The following SRSF4 variants were observed in gnomAD, a reference collection of about 807,000 sequenced individuals.
SRSF4 encodes the protein serine and arginine rich splicing factor 4, also known as serine/arginine-rich splicing factor 4.
Under a neutral mutation model 48.8 loss-of-function variants are expected in SRSF4, and 12 were observed. The observed-to-expected ratio is 0.25, with a 90% CI of 0.16 to 0.40. The LOEUF is 0.40. SRSF4 is among the 10% of genes least tolerant of loss of function. SRSF4 has a pLI of 1.00. For synonymous variants in SRSF4, 248 were observed against 232.5 expected (o/e 1.07, Z -0.61); for missense variants, 466 against 667.1 (o/e 0.70, Z 3.32).
intron 1 of SRSF4, among the ~76,000 whole-genome samples, chr1:29,173,835 A>G (rs1672790031): frequency 6.6e-6 from 1 of 152,204 alleles, no homozygotes; most frequent in East Asian, 1.9e-4. Flanking sequence ...ATATAATTCT[A>G]AACATTTTAA....
chr1:29,163,762 A>T (rs1286129913), intron 1 of SRSF4, among the ~76,000 whole-genome samples: 1 of 152,188 alleles, frequency 6.6e-6, no homozygotes, highest in Non-Finnish European at 1.5e-5. Context: ...TAACTTGCAT[A>T]AAAAAACCCC....
chr1:29,163,202 A>G (rs1221342162), intron 1 of SRSF4, among the ~76,000 whole-genome samples: 1 of 152,188 alleles, frequency 6.6e-6, no homozygotes, highest in African/African-American at 2.4e-5. Context: ...CCCAGTATTT[A>G]CTTCTAAAAA....
chr1:29,178,353 C>CTTCTT (rs141096220), intron 1 of SRSF4, among the ~76,000 whole-genome samples: 12 of 127,886 alleles, frequency 9.4e-5, no homozygotes, highest in African/African-American at 3.0e-4. Flanking sequence ...GTTTCAATTA[C>CTTCTT]TTTTTTTTTT....
chr1:29,149,958 G>C, intron 5 of SRSF4, 145 bp downstream of exon 5: 1 of 639,314 alleles, frequency 1.6e-6, no homozygotes, highest in Non-Finnish European at 2.7e-6. Flanking sequence ...AGCCCAGTGA[G>C]GTGAGGCTGC....
At position 29,149,231 on chromosome 1, in the gene SRSF4, G is replaced by A. The variant is rs775084521; in HGVS notation, c.669-5C>T. On this transcript the variant is annotated splice_polypyrimidine_tract_variant and splice_region_variant and intron_variant, in intron 5 of 5. Transcript: ENST00000373795. ...CTCCGGGAGCGGGAGCCCGACCTGA[G>A]GAGACATGGGATACTGTTTGTGTCA... 9.4e-6 allele frequency: 15 copies of A among 1,604,254 alleles called. No individual in the cohort carries two copies. The Admixed American group carries it at 2.2e-4, about 23-fold the overall frequency.
At chr1:29,181,494 C>G in intron 1 of SRSF4, 152 bp downstream of exon 1, 1 of 604,928 alleles carries the variant, frequency 1.7e-6, no homozygotes, top group African/African-American at 2.0e-5. Flanking sequence ...CCGGGGCCTA[C>G]CCGCGCCCCC....
intron 2 of SRSF4, chr1:29,159,714 T>C (rs1672563452): frequency 2.9e-6 from 1 of 348,046 alleles, no homozygotes; most frequent in Admixed American, 4.3e-5. Flanking sequence ...AATATTTGCA[T>C]TTAAGATTAA....
chr1:29,174,681 T>G (rs182415068), intron 1 of SRSF4, among the ~76,000 whole-genome samples: 1,517 of 149,568 alleles, frequency 0.01, 36 homozygotes, highest in African/African-American at 0.035. Context: ...ATAGGTTTTT[T>G]TTTTTTTTTT....
At chr1:29,158,978 G>A (rs1242233323) in intron 3 of SRSF4, among the ~76,000 whole-genome samples, 1 of 152,078 alleles carries the variant, frequency 6.6e-6, no homozygotes, top group Non-Finnish European at 1.5e-5. Flanking sequence ...ATGGTGGCGG[G>A]TGCCTGTAAT....
At chr1:29,161,466 A>G (rs756004012) in intron 1 of SRSF4, among the ~76,000 whole-genome samples, 3 of 152,240 alleles carry the variant, frequency 2.0e-5, no homozygotes, top group Non-Finnish European at 4.4e-5. Context: ...AAACTCTAGT[A>G]AGGCTGTGTG....
chr1:29,148,448 G>A lies in SRSF4; in HGVS notation c.1447C>T (p.Pro483Ser). 6.2e-7 allele frequency: 1 copy of A among 1,610,540 alleles called. No homozygotes were observed. The highest frequency in any genetic ancestry group is 8.5e-7 in the Non-Finnish European group (1 of 1,177,916). ...TGGGACCTAGATCTAGATCGGGAGG[G>A]CGATCTGGAAGCAGACCTGGATCTA... ...KSRSRSASRS[P>S]SRSRSRSHSR... The change falls in exon 6 of 6, where the codon CCC becomes TCC. Residue 483 changes from proline to serine, a missense_variant. By Grantham distance (74) the Pro-to-Ser change is moderately conservative. This residue lies in a region of SRSF4 where 402 missense variants were observed against 437.0 expected (regional missense o/e 0.92). Transcript: ENST00000373795.
chr1:29,165,688 G>C (rs929212598), intron 1 of SRSF4, among the ~76,000 whole-genome samples: 1 of 152,200 alleles, frequency 6.6e-6, no homozygotes, highest in African/African-American at 2.4e-5. Flanking sequence ...GAAACAGGCT[G>C]ATCAATGGCT....
At chr1:29,179,764 G>A (rs1672926088) in intron 1 of SRSF4, among the ~76,000 whole-genome samples, 1 of 152,114 alleles carries the variant, frequency 6.6e-6, no homozygotes, top group African/African-American at 2.4e-5. Context: ...AGTTTAAAGC[G>A]AAAGCAAACA....
intron 1 of SRSF4, among the ~76,000 whole-genome samples, chr1:29,176,323 TTTTTC>T (rs1379602901): frequency 6.6e-6 from 1 of 152,082 alleles, no homozygotes; most frequent in Non-Finnish European, 1.5e-5. Flanking sequence ...AAGTGTTTGC[TTTTTC>T]TTTTGTCACT....
At chr1:29,177,636 G>A (rs1672890151) in intron 1 of SRSF4, among the ~76,000 whole-genome samples, 1 of 152,014 alleles carries the variant, frequency 6.6e-6, no homozygotes, top group South Asian at 2.1e-4. Context: ...AGACCTTAAT[G>A]GGAAATGGAA....
chr1:29,174,736 C>T (rs113758223), intron 1 of SRSF4, among the ~76,000 whole-genome samples: 16,771 of 148,846 alleles, frequency 0.11, 1,302 homozygotes, highest in East Asian at 0.4. Flanking sequence ...TGCAGTGGCC[C>T]GATCTAGGCT....
chr1:29,177,664 G>A (rs1175198308), intron 1 of SRSF4, among the ~76,000 whole-genome samples: 2 of 152,024 alleles, frequency 1.3e-5, no homozygotes, highest in East Asian at 1.9e-4. Context: ...TATGATCCTG[G>A]GAGATCTTCG....
At chr1:29,175,692 C>G in intron 1 of SRSF4, among the ~76,000 whole-genome samples, 1 of 8,076 alleles carries the variant, frequency 1.2e-4, no homozygotes, top group Admixed American at 1.5e-3. Context: ...CAGACGCTGT[C>G]TCAAAAAAAA....
At chr1:29,161,631 C>T (rs1460846321) in intron 1 of SRSF4, among the ~76,000 whole-genome samples, 2 of 152,210 alleles carry the variant, frequency 1.3e-5, no homozygotes, top group African/African-American at 2.4e-5. Flanking sequence ...GACAGAGTCT[C>T]GCTGTCGCCC....
Sources: allele counts gnomAD v4.1 joint callset (sites outside exome capture counted in the v4.1 genomes callset), GRCh38; gene constraint gnomAD v4.1.1; regional missense constraint gnomAD v4.1.1; transcripts MANE v1.5; gene names NCBI Gene and HGNC (gene_info 2026-07-23, HGNC 2026-07-21).